The following SNX15 variants were observed in gnomAD, a reference collection of about 807,000 sequenced individuals.
SNX15 encodes sorting nexin-15.
In SNX15, 29 loss-of-function variants were observed where a neutral mutation model predicts 35.2. That is an observed-to-expected ratio of 0.82 (90% CI 0.61 to 1.12). SNX15 has a LOEUF of 1.12. SNX15 is among the 50% of genes most tolerant of loss of function. The pLI is 0.00. For missense variants in SNX15, 400 were observed against 451.5 expected (o/e 0.89, Z 1.03); for synonymous variants, 189 against 188.2 (o/e 1.00, Z -0.03).
At position 65,038,696 on chromosome 11, in the gene SNX15, G is replaced by T. The variant is rs149212675; in HGVS notation, c.789G>T (p.Gly263=). The T allele has an allele frequency of 1.9e-6, 3 of 1,608,656 alleles. No individual in the cohort carries two copies. The African/African-American group carries it at 4.0e-5, about 21-fold the overall frequency. ...GQEEEEDGEG[G]PTPAYLSQAT... ...AGGAGGAAGAGGATGGGGAAGGAGG[G>T]CCCACCCCTGCCTACCTAAGCCAGG... is the stretch of plus-strand genomic sequence containing the variant. The change falls in exon 7 of 8, where the codon GGG becomes GGT. Residue 263 remains glycine, a synonymous_variant. Coordinates refer to ENST00000377244, the MANE Select transcript of SNX15 (RefSeq NM_013306.5).
At chr11:65,027,733 A>T (rs1309681918) in intron 1 of SNX15, 97 bp downstream of exon 1, 2 of 896,190 alleles carry the variant, frequency 2.2e-6, no homozygotes, top group Non-Finnish European at 3.6e-6. Context: ...CCCTTTTTAG[A>T]CGACAGAAAT....
At chr11:65,034,570 C>G (rs1009424606) in intron 3 of SNX15, among the ~76,000 whole-genome samples, 2 of 152,208 alleles carry the variant, frequency 1.3e-5, no homozygotes, top group Admixed American at 6.5e-5. Flanking sequence ...ATGATATTCA[C>G]AAGGGCAGAG....
Position 65,035,153 on chromosome 11 carries a change from T to G in SNX15, c.467T>G (p.Leu156Arg). 1.3e-6 allele frequency: 2 copies of G among 1,576,724 alleles called. No homozygotes were observed. The highest frequency in any genetic ancestry group is 2.7e-5 in the African/African-American group (2 of 73,436). ...ACCCCGCCCCCTGATGACCCCCGGC[T>G]ATCCCAACTGCTCCCTGCAGAAAGG... The part of the protein sequence containing the change: ...IPTPPPDDPR[L>R]SQLLPAERRG... The change falls in exon 5 of 8, where the codon CTA (leucine) becomes CGA (arginine). Residue 156 changes from leucine (L) to arginine (R), a missense_variant. Coordinates refer to ENST00000377244, the MANE Select transcript of SNX15 (RefSeq NM_013306.5).
rs1159396305 is a variant in SNX15 at position 65,038,426 on chromosome 11, C to G, written c.665-146C>G. ...TAGCTCATGGCTAGTTTTTGATCCACAGACGACTTCTGGATTGCTCTGGCA... is the reference window on the plus strand; with the variant it reads ...TAGCTCATGGCTAGTTTTTGATCCAGAGACGACTTCTGGATTGCTCTGGCA... On this transcript the variant is annotated intron_variant, in intron 6 of 7. Coordinates refer to ENST00000377244, the MANE Select transcript of SNX15 (RefSeq NM_013306.5). 3 of 1,206,220 alleles carry G rather than the reference C, an allele frequency of 2.5e-6. No homozygotes were observed. In the African/African-American group the frequency reaches 4.6e-5, roughly 19 times the overall value. The allele number at this position is 1,206,220 out of a possible 1,614,324, so 74.7% of individuals were successfully genotyped here.
At chr11:65,028,793 T>G (rs890072698) in intron 1 of SNX15, among the ~76,000 whole-genome samples, 1 of 151,262 alleles carries the variant, frequency 6.6e-6, no homozygotes, top group Non-Finnish European at 1.5e-5. Flanking sequence ...AACCTTTTAT[T>G]ATAAGTCTTC....
Position 65,027,483 on chromosome 11 carries a change from G to A in SNX15, c.-55G>A. 7.0e-7 allele frequency: 1 copy of A among 1,429,854 alleles called. No homozygotes were observed. 88.6% of individuals were successfully genotyped at this position (1,429,854 alleles called of 1,614,324 possible). On this transcript the variant is annotated 5_prime_UTR_variant, in exon 1 of 8. In the 5' UTR this introduces an upstream ATG that the reference lacks. Transcript: ENST00000377244. ...GGCGGGCGGAGGCTGGGCCGGAGGG[G>A]TGGGGACGGCGAGGAGGTGGAGGCC... is the stretch of plus-strand genomic sequence containing the variant.
intron 1 of SNX15, among the ~76,000 whole-genome samples, chr11:65,027,898 G>A (rs938068748): frequency 6.6e-6 from 1 of 152,246 alleles, no homozygotes; most frequent in East Asian, 1.9e-4. Context: ...CCGGAGTGTA[G>A]TGTCTGGGCA....
chr11:65,035,896 A>T, intron 6 of SNX15: 1 of 414,142 alleles, frequency 2.4e-6, no homozygotes, highest in Non-Finnish European at 4.2e-6. Flanking sequence ...CGAGGAAGGA[A>T]AGGAGGCACT....
chr11:65,028,174 G>A (rs1265836103), intron 1 of SNX15, among the ~76,000 whole-genome samples: 1 of 152,134 alleles, frequency 6.6e-6, no homozygotes, highest in Non-Finnish European at 1.5e-5. Context: ...GATATATGAA[G>A]CGATAACAAC....
intron 1 of SNX15, among the ~76,000 whole-genome samples, chr11:65,028,388 G>T (rs1280346181): frequency 6.6e-6 from 1 of 152,148 alleles, no homozygotes; most frequent in Admixed American, 6.6e-5. Flanking sequence ...TTTCAACCAG[G>T]CGACTATTAA....
chr11:65,030,236 T>C (rs554364189), intron 1 of SNX15, among the ~76,000 whole-genome samples: 1 of 151,638 alleles, frequency 6.6e-6, no homozygotes, highest in Non-Finnish European at 1.5e-5. Flanking sequence ...TCACCTGTAG[T>C]CCCAGCTACT....
At chr11:65,027,734 C>A in intron 1 of SNX15, 98 bp downstream of exon 1, 1 of 877,910 alleles carries the variant, frequency 1.1e-6, no homozygotes, top group Non-Finnish European at 1.9e-6. Context: ...CCTTTTTAGA[C>A]GACAGAAATG....
rs765054346 is a variant in SNX15, at chr11:65,035,207, G to C, written c.520+1G>C. ...GGCCTCGAGGAATTGGAGGTGCCAG[G>C]TACATCGGGGTGGGAGGAGGGAACC... On this transcript the variant is annotated splice_donor_variant, in intron 5 of 7. Transcript: ENST00000377244. LOFTEE classifies it high-confidence loss of function. 1 of 1,573,200 alleles carries C rather than the reference G, an allele frequency of 6.4e-7. No individual in the cohort carries two copies. The highest frequency in any genetic ancestry group is 8.6e-7 in the Non-Finnish European group (1 of 1,163,532).
At chr11:65,031,408 T>A (rs912181882) in intron 1 of SNX15, among the ~76,000 whole-genome samples, 1 of 152,204 alleles carries the variant, frequency 6.6e-6, no homozygotes, top group African/African-American at 2.4e-5. Context: ...GAAAACTGAA[T>A]CTTGTTTTCA....
chr11:65,029,885 T>A (rs971514244), intron 1 of SNX15, among the ~76,000 whole-genome samples: 1 of 151,944 alleles, frequency 6.6e-6, no homozygotes, highest in Non-Finnish European at 1.5e-5. Flanking sequence ...CCTATATTTT[T>A]ATTTTATTTT....
rs746402574 is a variant in SNX15, at chr11:65,035,058, G to T, written c.373-1G>T. On this transcript the variant is annotated splice_acceptor_variant, in intron 4 of 7. Transcript: ENST00000377244. LOFTEE classifies it high-confidence loss of function. ...CCATGTCTGATCTTTCTGTCCTGCA[G>T]GGTGGGGAGGTGACCCGACCCTTGG... is the stretch of plus-strand genomic sequence containing the variant. 6.8e-6 allele frequency: 11 copies of T among 1,613,588 alleles called. No individual in the cohort carries two copies. Among genetic ancestry groups the T allele is most frequent in the Non-Finnish European group, 9.3e-6 (11 of 1,179,898 alleles).
intron 6 of SNX15, 188 bp downstream of exon 6, chr11:65,035,851 T>C: frequency 1.8e-6 from 1 of 550,482 alleles, no homozygotes. Context: ...GCACGTGGTG[T>C]GGTGTGCTGG....
At position 65,027,631 on chromosome 11, in the gene SNX15, G is replaced by T; in HGVS notation, c.94G>T (p.Ala32Ser). The T allele has an allele frequency of 6.2e-7, 1 of 1,612,722 alleles. No individual in the cohort carries two copies. The highest frequency in any genetic ancestry group is 8.5e-7 in the Non-Finnish European group (1 of 1,178,820). ...PKGYTEYKVT[A>S]QFISKKDPED... ...GGGCTACACCGAGTACAAAGTAACC[G>T]CGCAGGTGAGGTGGGGCCCAGCGCG... Residue 32 changes from alanine (A) to serine (S), a missense_variant, in exon 1 of 8, where the codon GCG (alanine) becomes TCG (serine). By Grantham distance (99) the Ala-to-Ser change is moderately conservative. Transcript: ENST00000377244.
rs1353617940 is a variant in SNX15 at position 65,027,650 on chromosome 11, C to A, written c.99+14C>A. The A allele has an allele frequency of 1.9e-6, 3 of 1,600,276 alleles. No homozygotes were observed. The East Asian group carries it at 6.7e-5, about 36-fold the overall frequency. On this transcript the variant is annotated intron_variant, in intron 1 of 7. Transcript: ENST00000377244. Reference sequence around the variant, plus strand: ...GTAACCGCGCAGGTGAGGTGGGGCCCAGCGCGTACTTTACCCTTTTAACTA... The same window carrying A: ...GTAACCGCGCAGGTGAGGTGGGGCCAAGCGCGTACTTTACCCTTTTAACTA...
Sources: gnomAD v4.1 joint callset for allele counts (sites outside exome capture counted in the v4.1 genomes callset) on GRCh38, gnomAD v4.1.1 for gene constraint, MANE v1.5 for transcripts, NCBI Gene and HGNC (gene_info 2026-07-23, HGNC 2026-07-21) for gene names.